The following CNTNAP2 variants were observed in gnomAD, a reference collection of about 807,000 sequenced individuals.
The protein encoded by CNTNAP2 is contactin associated protein 2, also known as contactin-associated protein-like 2.
In CNTNAP2, 98 loss-of-function variants were observed where a neutral mutation model predicts 155.2. The observed-to-expected ratio is 0.63, with a 90% CI of 0.54 to 0.75. The LOEUF (loss-of-function observed/expected upper bound fraction) is 0.75, where lower values mean the gene tolerates loss of function less well. CNTNAP2 is among the 30% of genes least tolerant of loss of function. The probability of loss-of-function intolerance (pLI) is 0.00; values close to 1 mark genes in which losing one functional copy is unlikely to be tolerated. For missense variants in CNTNAP2, 1,727 were observed against 1,688.1 expected, an observed-to-expected ratio of 1.02 and a Z score of -0.40; for synonymous variants, 651 against 631.2, an observed-to-expected ratio of 1.03 and a Z score of -0.47.
At chr7:146,475,029 ACAC>A (rs1796857728) in intron 1 of CNTNAP2, among the ~76,000 whole-genome samples, 1 of 152,056 alleles carries the variant, frequency 6.6e-6, no homozygotes, top group African/African-American at 2.4e-5. Flanking sequence ...ACACACACAC[ACAC>A]ACACACACGT....
intron 11 of CNTNAP2, among the ~76,000 whole-genome samples, chr7:147,494,555 C>T (rs983402558): frequency 5.3e-5 from 8 of 150,740 alleles, no homozygotes; most frequent in Admixed American, 1.3e-4. Flanking sequence ...TGAACTTCTC[C>T]GAAGCTATAA....
At chr7:146,907,168 G>A (rs893837792) in intron 3 of CNTNAP2, among the ~76,000 whole-genome samples, 30 of 152,068 alleles carry the variant, frequency 2.0e-4, no homozygotes, top group African/African-American at 5.1e-4. Context: ...CCAAATCTAC[G>A]TCTGATTGGT....
intron 14 of CNTNAP2, among the ~76,000 whole-genome samples, chr7:147,967,373 G>C (rs974954288): frequency 6.6e-6 from 1 of 152,118 alleles, no homozygotes. Context: ...TCGGAGATTT[G>C]ATCTGTTTTT....
intron 21 of CNTNAP2, among the ~76,000 whole-genome samples, chr7:148,373,045 AG>A (rs1413245375): frequency 1.2e-4 from 18 of 152,300 alleles, no homozygotes; most frequent in Admixed American, 3.3e-4. Flanking sequence ...GGAGGTCTTC[AG>A]GGGCAGTGAC....
chr7:147,498,296 G>A (rs4413698), intron 11 of CNTNAP2, among the ~76,000 whole-genome samples: 43,323 of 151,838 alleles, frequency 0.29, 6,248 homozygotes, highest in East Asian at 0.43. Flanking sequence ...AGTGATGGAT[G>A]ATGAAAGTGC....
At chr7:147,428,722 CCT>C (rs1797420732) in intron 10 of CNTNAP2, among the ~76,000 whole-genome samples, 1 of 152,068 alleles carries the variant, frequency 6.6e-6, no homozygotes. Context: ...GAAGAATCCC[CCT>C]GTGTTTTATG....
intron 11 of CNTNAP2, among the ~76,000 whole-genome samples, chr7:147,519,479 A>G (rs1799193648): frequency 6.6e-6 from 1 of 152,200 alleles, no homozygotes; most frequent in Non-Finnish European, 1.5e-5. Flanking sequence ...TAATTTATCC[A>G]CAGGTTTAAG....
At chr7:147,737,920 C>T (rs1314311250) in intron 13 of CNTNAP2, among the ~76,000 whole-genome samples, 1 of 152,152 alleles carries the variant, frequency 6.6e-6, no homozygotes, top group Non-Finnish European at 1.5e-5. Context: ...CATTTGTCGC[C>T]CCTTCCCTTG....
chr7:147,879,104 A>G (rs1025111246), intron 13 of CNTNAP2, among the ~76,000 whole-genome samples: 2 of 152,198 alleles, frequency 1.3e-5, no homozygotes, highest in Non-Finnish European at 2.9e-5. Context: ...CCCTTATACA[A>G]TGTATGGTAC....
intron 4 of CNTNAP2, among the ~76,000 whole-genome samples, chr7:147,069,979 G>T (rs544042828): frequency 1.3e-5 from 2 of 152,104 alleles, no homozygotes; most frequent in Admixed American, 1.3e-4. Context: ...ATAATCTATC[G>T]GTCACAGCTG....
chr7:147,815,055 C>A (rs1413756622), intron 13 of CNTNAP2, among the ~76,000 whole-genome samples: 1 of 152,088 alleles, frequency 6.6e-6, no homozygotes. Context: ...CTCATATACA[C>A]TGTGATAACT....
At chr7:147,123,429 C>G (rs1409448329) in intron 6 of CNTNAP2, among the ~76,000 whole-genome samples, 1 of 152,240 alleles carries the variant, frequency 6.6e-6, no homozygotes, top group African/African-American at 2.4e-5. Context: ...CACGCACACA[C>G]AACACTTGCT....
chr7:148,157,034 A>G (rs1416428633), intron 17 of CNTNAP2, among the ~76,000 whole-genome samples: 2 of 152,176 alleles, frequency 1.3e-5, no homozygotes, highest in Non-Finnish European at 2.9e-5. Context: ...AGGAAGGTGA[A>G]CGGCTGTGTA....
At chr7:146,772,047 G>A (rs1476241273) in intron 1 of CNTNAP2, among the ~76,000 whole-genome samples, 1 of 152,030 alleles carries the variant, frequency 6.6e-6, no homozygotes, top group Non-Finnish European at 1.5e-5. Flanking sequence ...TGTTTTTAGA[G>A]TACGTGCCAA....
intron 3 of CNTNAP2, among the ~76,000 whole-genome samples, chr7:146,894,541 A>G (rs1434850118): frequency 1.3e-5 from 2 of 152,118 alleles, no homozygotes; most frequent in Non-Finnish European, 2.9e-5. Flanking sequence ...TAAGCTTGAA[A>G]TGCTGCTGCC....
At chr7:147,486,163 C>A in intron 11 of CNTNAP2, 122 bp downstream of exon 11, 13 of 707,324 alleles carry the variant, frequency 1.8e-5, no homozygotes, top group Middle Eastern at 2.5e-4. Flanking sequence ...TCTGAAAAAC[C>A]AAGATTCCAA....
At chr7:148,385,023 G>A (rs1585327180) in intron 22 of CNTNAP2, among the ~76,000 whole-genome samples, 1 of 152,146 alleles carries the variant, frequency 6.6e-6, no homozygotes. Flanking sequence ...CTGCAAACTT[G>A]TAATTTGTAA....
intron 1 of CNTNAP2, among the ~76,000 whole-genome samples, chr7:146,398,184 C>CTTTTTTTTTTTTT (rs34144986): frequency 2.1e-4 from 23 of 107,050 alleles, no homozygotes; most frequent in African/African-American, 8.6e-4. Context: ...CGGCCCCAAA[C>CTTTTTTTTTTTTT]TTTTTTTTTT....
At chr7:146,218,386 G>A (rs577545428) in intron 1 of CNTNAP2, among the ~76,000 whole-genome samples, 1 of 152,044 alleles carries the variant, frequency 6.6e-6, no homozygotes, top group African/African-American at 2.4e-5. Flanking sequence ...GCGGGCGCCC[G>A]TAGTCCCAGC....
Sources: allele counts gnomAD v4.1 joint callset (sites outside exome capture counted in the v4.1 genomes callset), GRCh38; gene constraint gnomAD v4.1.1; transcripts MANE v1.5; gene names NCBI Gene and HGNC (gene_info 2026-07-23, HGNC 2026-07-21).